The following ZFPM2 variants were observed in gnomAD, a reference collection of about 807,000 sequenced individuals.
The protein encoded by ZFPM2 is zinc finger protein, FOG family member 2.
In ZFPM2, 20 loss-of-function variants were observed where a neutral mutation model predicts 98.6. The ratio of observed to expected loss-of-function variants is 0.20; its 90% CI spans 0.14 to 0.29. The LOEUF (loss-of-function observed/expected upper bound fraction) is 0.29. Among genes scored for constraint, ZFPM2 ranks in the 10% least tolerant of loss-of-function variants. The pLI, the probability that ZFPM2 is intolerant of heterozygous loss-of-function variation, is 1.00. For synonymous variants in ZFPM2, 518 were observed against 502.7 expected, an observed-to-expected ratio of 1.03 and a Z score of -0.41; for missense variants, 1,310 against 1,388.6, an observed-to-expected ratio of 0.94 and a Z score of 0.90.
intron 3 of ZFPM2, among the ~76,000 whole-genome samples, chr8:105,457,170 T>C (rs1199060318): frequency 6.6e-6 from 1 of 152,176 alleles, no homozygotes; most frequent in Non-Finnish European, 1.5e-5. Context: ...AGCCAGTATG[T>C]TGTTATTGTA....
At chr8:105,610,087 T>G (rs1010441851) in intron 4 of ZFPM2, among the ~76,000 whole-genome samples, 2 of 152,068 alleles carry the variant, frequency 1.3e-5, no homozygotes, top group African/African-American at 2.4e-5. Context: ...AAAGGAGAGA[T>G]AAGTTCAGGG....
At chr8:105,545,211 G>T (rs1228497556) in intron 3 of ZFPM2, among the ~76,000 whole-genome samples, 1 of 152,050 alleles carries the variant, frequency 6.6e-6, no homozygotes, top group African/African-American at 2.4e-5. Context: ...AATAGTGGAG[G>T]AAATGCCTGT....
At chr8:105,688,809 A>G (rs1321947482) in intron 5 of ZFPM2, among the ~76,000 whole-genome samples, 2 of 152,182 alleles carry the variant, frequency 1.3e-5, no homozygotes, top group Non-Finnish European at 2.9e-5. Context: ...CTCATTCTCT[A>G]TCATGTACTT....
intron 4 of ZFPM2, among the ~76,000 whole-genome samples, chr8:105,623,217 A>C (rs1197009643): frequency 6.6e-6 from 1 of 152,166 alleles, no homozygotes; most frequent in Non-Finnish European, 1.5e-5. Flanking sequence ...TTGTCTCAGA[A>C]AATCTGCCTT....
chr8:105,716,046 A>G (rs540959153), intron 5 of ZFPM2, among the ~76,000 whole-genome samples: 54 of 152,038 alleles, frequency 3.6e-4, no homozygotes, highest in African/African-American at 1.2e-3. Context: ...GAGAAAAGAG[A>G]TGCTGGCAGG....
At chr8:105,772,748 C>A (rs1373683147) in intron 5 of ZFPM2, among the ~76,000 whole-genome samples, 1 of 152,060 alleles carries the variant, frequency 6.6e-6, no homozygotes, top group Non-Finnish European at 1.5e-5. Flanking sequence ...ATTTTTGCAT[C>A]CTTCATTTAA....
chr8:105,493,074 A>G (rs1171035060), intron 3 of ZFPM2, among the ~76,000 whole-genome samples: 3 of 152,228 alleles, frequency 2.0e-5, no homozygotes, highest in African/African-American at 7.2e-5. Flanking sequence ...ATAATATGGT[A>G]GGAGTTAAAT....
intron 5 of ZFPM2, among the ~76,000 whole-genome samples, chr8:105,720,371 T>C (rs1235927536): frequency 1.3e-5 from 2 of 151,874 alleles, no homozygotes; most frequent in Non-Finnish European, 2.9e-5. Flanking sequence ...TATGATGAAT[T>C]CCCTTGCTAT....
intron 4 of ZFPM2, among the ~76,000 whole-genome samples, chr8:105,627,225 G>C (rs1474238470): frequency 6.6e-6 from 1 of 152,140 alleles, no homozygotes; most frequent in Non-Finnish European, 1.5e-5. Context: ...AGAAGTGGAT[G>C]CTAGTCTGAC....
intron 4 of ZFPM2, among the ~76,000 whole-genome samples, chr8:105,585,595 A>T (rs1815694289): frequency 6.6e-6 from 1 of 152,204 alleles, no homozygotes; most frequent in Admixed American, 6.5e-5. Flanking sequence ...TGAAATAGAC[A>T]TTGGTGTTGC....
At chr8:105,536,262 A>G (rs1814448362) in intron 3 of ZFPM2, among the ~76,000 whole-genome samples, 1 of 152,072 alleles carries the variant, frequency 6.6e-6, no homozygotes, top group Non-Finnish European at 1.5e-5. Flanking sequence ...CTATTTTAAT[A>G]TTTATGTTTT....
At chr8:105,723,652 G>C (rs974394973) in intron 5 of ZFPM2, among the ~76,000 whole-genome samples, 3 of 151,812 alleles carry the variant, frequency 2.0e-5, no homozygotes, top group Non-Finnish European at 4.4e-5. Context: ...GTACAGTCAA[G>C]AGACTGGCAG....
intron 1 of ZFPM2, among the ~76,000 whole-genome samples, chr8:105,412,392 G>T (rs1381364497): frequency 1.3e-5 from 2 of 151,186 alleles, no homozygotes; most frequent in Non-Finnish European, 3.0e-5. Flanking sequence ...GACAGCAGTT[G>T]GTACAGATAT....
chr8:105,773,988 A>G (rs1813041649), intron 5 of ZFPM2, among the ~76,000 whole-genome samples: 1 of 152,216 alleles, frequency 6.6e-6, no homozygotes, highest in African/African-American at 2.4e-5. Flanking sequence ...TTCTAGAAAG[A>G]ATTAGACTTC....
chr8:105,804,417 A>C lies in ZFPM2; in HGVS notation c.*879A>C, dbSNP rs1250401394. Reference sequence around the variant, plus strand: ...TATATAAGATCTATTTAAATATAAGAGTAGCAATACTGCACCTGGTGATCA... The same window carrying C: ...TATATAAGATCTATTTAAATATAAGCGTAGCAATACTGCACCTGGTGATCA... On this transcript the variant is annotated 3_prime_UTR_variant, in exon 8 of 8. Transcript: ENST00000407775. 8 of 152,604 alleles carry C rather than the reference A, an allele frequency of 5.2e-5. No individual in the cohort carries two copies. Among genetic ancestry groups the C allele is most frequent in the Admixed American group, 5.2e-4 (8 of 15,268 alleles). 9.5% of individuals were successfully genotyped at this position (152,604 alleles called of 1,614,324 possible). A position where few individuals can be genotyped will look rare whatever the true frequency, so the allele number is the denominator to read the frequency against.
intron 3 of ZFPM2, among the ~76,000 whole-genome samples, chr8:105,464,763 A>G (rs973594540): frequency 6.6e-6 from 1 of 152,024 alleles, no homozygotes; most frequent in African/African-American, 2.4e-5. Flanking sequence ...AGGGAAAAAA[A>G]CCTGCCTCAA....
chr8:105,437,135 ATG>A (rs1159352112), intron 2 of ZFPM2, among the ~76,000 whole-genome samples: 1 of 152,084 alleles, frequency 6.6e-6, no homozygotes, highest in Non-Finnish European at 1.5e-5. Context: ...TTTTTTATTA[ATG>A]TGATATATAT....
chr8:105,493,437 C>T (rs983542744), intron 3 of ZFPM2, among the ~76,000 whole-genome samples: 5 of 152,174 alleles, frequency 3.3e-5, no homozygotes, highest in Non-Finnish European at 5.9e-5. Context: ...CAATTTTTTA[C>T]ACTTTATGCC....
chr8:105,486,052 T>C (rs1452458210), intron 3 of ZFPM2, among the ~76,000 whole-genome samples: 1 of 151,844 alleles, frequency 6.6e-6, no homozygotes, highest in East Asian at 1.9e-4. Flanking sequence ...GATGAGAAAA[T>C]GGAGGCCTCT....
Sources: allele counts gnomAD v4.1 joint callset (sites outside exome capture counted in the v4.1 genomes callset), GRCh38; gene constraint gnomAD v4.1.1; transcripts MANE v1.5; gene names NCBI Gene and HGNC (gene_info 2026-07-23, HGNC 2026-07-21).